The following PTPRN2 variants were observed in gnomAD, a reference collection of about 807,000 sequenced individuals.
The protein encoded by PTPRN2 is protein tyrosine phosphatase receptor type N2.
A neutral mutation model predicts 118.8 loss-of-function variants in PTPRN2; 74 were observed. The observed-to-expected ratio is 0.62, with a 90% CI of 0.52 to 0.76. The LOEUF is 0.76. Ranked by LOEUF, PTPRN2 falls within the 30% of genes least tolerant of loss-of-function variation. PTPRN2 has a pLI of 0.00. For missense variants in PTPRN2, 1,481 were observed against 1,394.4 expected, an observed-to-expected ratio of 1.06 and a Z score of -0.99; for synonymous variants, 641 against 608.0, an observed-to-expected ratio of 1.05 and a Z score of -0.80.
chr7:158,541,614 T>C, intron 1 of PTPRN2: 2 of 1,350,936 alleles, frequency 1.5e-6, no homozygotes, highest in Non-Finnish European at 2.0e-6. Context: ...CATCTGGCTG[T>C]CATTTCACAA....
At chr7:157,551,975 C>A (rs1253236581) in intron 21 of PTPRN2, among the ~76,000 whole-genome samples, 1 of 150,224 alleles carries the variant, frequency 6.7e-6, no homozygotes. Context: ...ACGCACCCCA[C>A]AGCCACCACA....
intron 11 of PTPRN2, among the ~76,000 whole-genome samples, chr7:157,904,653 T>C (rs2128755534): frequency 6.6e-6 from 1 of 152,380 alleles, no homozygotes; most frequent in Middle Eastern, 3.4e-3. Context: ...AACGAGCCAG[T>C]GTCTGTGGGG....
chr7:157,896,165 A>G (rs945397467), intron 12 of PTPRN2, among the ~76,000 whole-genome samples: 6 of 144,446 alleles, frequency 4.2e-5, no homozygotes, highest in African/African-American at 5.5e-5. Flanking sequence ...AGCGGAGGAC[A>G]GGAGGAGCTG....
rs573937848 is a variant in PTPRN2, at chr7:158,434,978, A to G, written c.163+54757T>C. 7.2e-5 allele frequency among the ~76,000 whole-genome samples: 11 copies of G among 152,352 alleles called. No individual in the cohort carries two copies. The South Asian group carries it at 2.1e-3, about 29-fold the overall frequency. The stretch of plus-strand genomic sequence containing the variant: ...CTAAAAATGGATTCATGCCTTAAAC[A>G]TAACACCTGAACCTGTAAACCGCCT... On this transcript the variant is annotated intron_variant, in intron 2 of 22. Coordinates refer to ENST00000389418, the MANE Select transcript of PTPRN2 (RefSeq NM_002847.5).
chr7:157,949,895 G>GCTCCTCAGGT (rs1800704367), intron 11 of PTPRN2, among the ~76,000 whole-genome samples: 1 of 151,950 alleles, frequency 6.6e-6, no homozygotes. Flanking sequence ...GCTCCTCAGG[G>GCTCCTCAGGT]TCTCCTCAAA....
At chr7:157,613,885 G>A (rs1802566984) in intron 15 of PTPRN2, 2 of 377,112 alleles carry the variant, frequency 5.3e-6, no homozygotes, top group South Asian at 4.0e-5. Flanking sequence ...CTCACCACGA[G>A]CAGACCTCGG....
intron 12 of PTPRN2, among the ~76,000 whole-genome samples, chr7:157,727,672 C>T (rs116077890): frequency 7.1e-4 from 108 of 152,308 alleles, no homozygotes; most frequent in African/African-American, 2.4e-3. Context: ...ACGGTTAGGA[C>T]GATCCATTTT....
chr7:157,824,908 G>A (rs376654130), intron 12 of PTPRN2, among the ~76,000 whole-genome samples: 60 of 152,288 alleles, frequency 3.9e-4, no homozygotes, highest in South Asian at 1.0e-3. Flanking sequence ...CAAAGCAGGC[G>A]GATCACGAGC....
chr7:158,510,675 A>G (rs1381917355), intron 1 of PTPRN2, among the ~76,000 whole-genome samples: 1 of 152,280 alleles, frequency 6.6e-6, no homozygotes, highest in Admixed American at 6.5e-5. Context: ...TTGATAAAAA[A>G]TACTGTAATT....
At chr7:157,910,540 G>A (rs960729749) in intron 11 of PTPRN2, among the ~76,000 whole-genome samples, 5 of 152,310 alleles carry the variant, frequency 3.3e-5, no homozygotes, top group South Asian at 2.1e-4. Flanking sequence ...CACGTACGCC[G>A]TAGGAACGGG....
chr7:157,835,842 TC>T lies in PTPRN2; in HGVS notation c.1788+62830del, dbSNP rs1470062565. On this transcript the variant is annotated intron_variant, in intron 12 of 22. Coordinates refer to ENST00000389418, the MANE Select transcript of PTPRN2 (RefSeq NM_002847.5). ...AAAATAACAAATAAAAACTTGTGTT[TC>T]ACTGATGACAGGATGAGCAAGCACT... 3.3e-5 allele frequency among the ~76,000 whole-genome samples: 5 copies of T among 152,320 alleles called. No homozygotes were observed. The East Asian group carries it at 9.6e-4, about 29-fold the overall frequency.
intron 2 of PTPRN2, among the ~76,000 whole-genome samples, chr7:158,394,786 C>T (rs962244799): frequency 4.6e-5 from 7 of 152,224 alleles, no homozygotes; most frequent in Non-Finnish European, 8.8e-5. Flanking sequence ...GGGGCTGCCC[C>T]TCCACCTGAC....
At chr7:157,812,744 G>C in intron 12 of PTPRN2, among the ~76,000 whole-genome samples, 1 of 152,088 alleles carries the variant, frequency 6.6e-6, no homozygotes, top group Non-Finnish European at 1.5e-5. Flanking sequence ...AGCCAAGGAG[G>C]CCCGTGATTT....
intron 3 of PTPRN2, among the ~76,000 whole-genome samples, chr7:158,314,823 C>G (rs1047198301): frequency 2.0e-5 from 3 of 152,286 alleles, no homozygotes; most frequent in African/African-American, 4.8e-5. Context: ...ACCACCCATG[C>G]TGGGACCCCC....
intron 11 of PTPRN2, among the ~76,000 whole-genome samples, chr7:158,049,385 G>A (rs183334393): frequency 2.9e-4 from 44 of 152,206 alleles, no homozygotes; most frequent in African/African-American, 9.6e-4. Flanking sequence ...CTCCAACTCC[G>A]ACACTACATG....
chr7:158,184,935 G>A (rs564663220), intron 5 of PTPRN2, among the ~76,000 whole-genome samples: 1 of 152,208 alleles, frequency 6.6e-6, no homozygotes, highest in Non-Finnish European at 1.5e-5. Context: ...TGTAATCTTA[G>A]ATGTAGGTTT....
chr7:158,472,749 T>C (rs1025820710), intron 2 of PTPRN2, among the ~76,000 whole-genome samples: 1 of 152,178 alleles, frequency 6.6e-6, no homozygotes, highest in African/African-American at 2.4e-5. Context: ...CAAGAATGAT[T>C]AGACGGCGCC....
intron 11 of PTPRN2, among the ~76,000 whole-genome samples, chr7:157,985,904 G>A (rs144136480): frequency 5.3e-5 from 8 of 151,392 alleles, no homozygotes; most frequent in African/African-American, 1.9e-4. Flanking sequence ...TGAATCTCGA[G>A]AGCAGGGAGA....
intron 2 of PTPRN2, among the ~76,000 whole-genome samples, chr7:158,332,597 C>A (rs1804712636): frequency 6.6e-6 from 1 of 151,448 alleles, no homozygotes; most frequent in African/African-American, 2.4e-5. Flanking sequence ...ACACTCTCAC[C>A]ATAAGAAGTG....
Sources: gnomAD v4.1 joint callset for allele counts (sites outside exome capture counted in the v4.1 genomes callset) on GRCh38, gnomAD v4.1.1 for gene constraint, MANE v1.5 for transcripts, NCBI Gene and HGNC (gene_info 2026-07-23, HGNC 2026-07-21) for gene names.